Variants in COQ8A observed in about 807,000 individuals in gnomAD.
COQ8A encodes the protein coenzyme Q8A.
Under a neutral mutation model 65.0 loss-of-function variants are expected in COQ8A, and 51 were observed. The observed-to-expected ratio is 0.78, with a 90% CI of 0.63 to 0.99. The LOEUF (loss-of-function observed/expected upper bound fraction) is 0.99. Ranked by LOEUF, COQ8A falls within the 50% of genes least tolerant of loss-of-function variation. The pLI, the probability that COQ8A is intolerant of heterozygous loss-of-function variation, is 0.00. For missense variants in COQ8A, 940 were observed against 875.0 expected (o/e 1.07, Z -0.94); for synonymous variants, 371 against 353.2 (o/e 1.05, Z -0.57).
At chr1:226,957,956 A>G (rs1232694325) in intron 1 of COQ8A, 1 of 152,158 alleles carries the variant, frequency 6.6e-6, no homozygotes, top group Non-Finnish European at 1.5e-5. Flanking sequence ...TGGTGGGAAC[A>G]CAGCCTTGTG....
intron 4 of COQ8A, chr1:226,974,909 A>AGGGTG (rs1219866169): frequency 6.5e-6 from 1 of 152,790 alleles, no homozygotes; most frequent in African/African-American, 2.4e-5. Context: ...GTCCTGATGG[A>AGGGTG]GGGTGATGAG....
At chr1:226,975,396 C>T (rs932826774) in intron 4 of COQ8A, among the ~76,000 whole-genome samples, 1 of 152,278 alleles carries the variant, frequency 6.6e-6, no homozygotes, top group South Asian at 2.1e-4. Context: ...CTTGGAAATG[C>T]GGCTGGTCCA....
chr1:226,944,926 A>G (rs1255250268), intron 1 of COQ8A, among the ~76,000 whole-genome samples: 1 of 152,064 alleles, frequency 6.6e-6, no homozygotes, highest in Non-Finnish European at 1.5e-5. Context: ...GTTTCCTGAG[A>G]GACAGAGAGG....
intron 1 of COQ8A, among the ~76,000 whole-genome samples, chr1:226,953,805 G>T (rs1657528685): frequency 6.6e-6 from 1 of 152,340 alleles, no homozygotes; most frequent in African/African-American, 2.4e-5. Context: ...AGATGTTTGA[G>T]TGATGCTCCC....
At chr1:226,984,314 G>A in intron 11 of COQ8A, 79 bp downstream of exon 11, 14 of 1,593,426 alleles carry the variant, frequency 8.8e-6, no homozygotes, top group East Asian at 2.2e-5. Flanking sequence ...GTGTGAGCTG[G>A]GGACTTGGAG....
chr1:226,974,587 G>A (rs1659082952), intron 4 of COQ8A, among the ~76,000 whole-genome samples: 1 of 152,238 alleles, frequency 6.6e-6, no homozygotes, highest in Non-Finnish European at 1.5e-5. Context: ...GGCAGAGGCT[G>A]GCCTGGGTTC....
Position 226,965,210 on chromosome 1 carries a change from T to G in COQ8A, c.388T>G (p.Phe130Val). The change falls in exon 3 of 15, where the codon TTC (phenylalanine) becomes GTC (valine). Residue 130 changes from phenylalanine (F) to valine (V), a missense_variant. Phe to Val is a conservative substitution (Grantham distance 50). Transcript: ENST00000366777. ...CAGTGGACCCTTTAGAGAAGCCGGGTTCCCCGGCCAGGCCTCCTCCCCTCT... is the reference window on the plus strand; with the variant it reads ...CAGTGGACCCTTTAGAGAAGCCGGGGTCCCCGGCCAGGCCTCCTCCCCTCT... ...VASGPFREAG[F>V]PGQASSPLGR... 6.2e-7 allele frequency: 1 copy of G among 1,613,338 alleles called. No individual in the cohort carries two copies. The highest frequency in any genetic ancestry group is 8.5e-7 in the Non-Finnish European group (1 of 1,179,900).
chr1:226,974,119 GC>G (rs1194703121), intron 4 of COQ8A, among the ~76,000 whole-genome samples: 3 of 152,178 alleles, frequency 2.0e-5, no homozygotes, highest in Non-Finnish European at 4.4e-5. Flanking sequence ...CCACAGGAGG[GC>G]CCTGTTTGGC....
In COQ8A at chr1:226,987,492, A is replaced by G. The variant is rs1023411366; in HGVS notation, c.*755A>G. ...TGTGAATTTTTGTACAAGTCTTGTA[A>G]TTATCGAATCAACAACTTGTTTCAA... On this transcript the variant is annotated 3_prime_UTR_variant, in exon 15 of 15. Transcript: ENST00000366777. 5 of 152,284 alleles carry G rather than the reference A, an allele frequency of 3.3e-5. No homozygotes were observed. Among genetic ancestry groups the G allele is most frequent in the African/African-American group, 1.2e-4 (5 of 41,458 alleles). The allele number at this position is 152,284 out of a possible 1,614,324, so 9.4% of individuals were successfully genotyped here. A position where few individuals can be genotyped will look rare whatever the true frequency, so the allele number is the denominator to read the frequency against.
Position 226,984,153 on chromosome 1 carries a change from G to A in COQ8A, c.1316G>A (p.Ser439Asn), listed in dbSNP as rs759748589. The change falls in exon 11 of 15, where the codon AGC (serine) becomes AAC (asparagine). Residue 439 changes from serine to asparagine, a missense_variant. Coordinates refer to ENST00000366777, the MANE Select transcript of COQ8A (RefSeq NM_020247.5). ...CCTGAGATTGTGGATGAGCTCTGCA[G>A]CCCACATGTGCTGACCACAGAGCTG... is the stretch of plus-strand genomic sequence containing the variant. ...YVPEIVDELCSPHVLTTELVS... is the reference protein window; with the variant it reads ...YVPEIVDELCNPHVLTTELVS... 6.2e-6 allele frequency: 10 copies of A among 1,613,780 alleles called. No individual in the cohort carries two copies. The African/African-American group carries it at 6.7e-5, about 11-fold the overall frequency.
At chr1:226,958,325 C>A (rs1026782029) in intron 1 of COQ8A, 5 of 152,250 alleles carry the variant, frequency 3.3e-5, no homozygotes, top group African/African-American at 1.2e-4. Flanking sequence ...CACCCAGAGC[C>A]CTTCCGTACT....
rs924853485 is a variant in COQ8A, at chr1:226,941,453, A to G, written c.-10+1054A>G. Among the ~76,000 whole-genome samples the G allele has an allele frequency of 1.6e-4, 24 of 152,066 alleles. 1 individual carries two copies. Among genetic ancestry groups the G allele is most frequent in the Admixed American group, 3.9e-4 (6 of 15,268 alleles). On this transcript the variant is annotated intron_variant, in intron 1 of 14. Coordinates refer to ENST00000366777, the MANE Select transcript of COQ8A (RefSeq NM_020247.5). ...TTCTCCCGAGGAGAGACAAAAGGGG[A>G]GCTACAGGAGCAGCATCTGTAAGAC...
chr1:226,978,137 C>A (rs1222862983), intron 5 of COQ8A, among the ~76,000 whole-genome samples: 15 of 151,076 alleles, frequency 9.9e-5, no homozygotes, highest in Non-Finnish European at 1.5e-5. Flanking sequence ...CACCAAACAC[C>A]CACACATCTT....
Position 226,982,654 on chromosome 1 carries a change from CTGTGTCAT to C in COQ8A, c.854-22_854-15del. On this transcript the variant is annotated splice_polypyrimidine_tract_variant and intron_variant, in intron 6 of 14. Transcript: ENST00000366777. The stretch of plus-strand genomic sequence containing the variant: ...GCACACTTTAATCCCCAGGTTCGCC[CTGTGTCAT>C]TCTCCTGCCTTCCAGATGATGCCTT... 6.2e-7 allele frequency: 1 copy of C among 1,611,782 alleles called. No individual in the cohort carries two copies. The highest frequency in any genetic ancestry group is 1.1e-5 in the South Asian group (1 of 90,998).
rs1658767109 is a variant in COQ8A, at chr1:226,969,569, T to C, written c.655+3832T>C. Among the ~76,000 whole-genome samples the C allele has an allele frequency of 2.6e-5, 4 of 152,338 alleles. No homozygotes were observed. The Middle Eastern group carries it at 0.01, about 389-fold the overall frequency. On this transcript the variant is annotated intron_variant, in intron 4 of 14. Coordinates refer to ENST00000366777, the MANE Select transcript of COQ8A (RefSeq NM_020247.5). ...AATTCTTCTTATATCCTCCTAGGGA[T>C]TGACCCTTCATTCTTATGTTATGCC... is the stretch of plus-strand genomic sequence containing the variant.
At chr1:226,960,537 T>TTGGTGGTGGTGATG (rs1658175993) in intron 1 of COQ8A, among the ~76,000 whole-genome samples, 1 of 3,974 alleles carries the variant, frequency 2.5e-4, no homozygotes, top group South Asian at 8.9e-3. Flanking sequence ...TGGTGGTGGT[T>TTGGTGGTGGTGATG]GTACTTGGTG....
At position 226,949,263 on chromosome 1, in the gene COQ8A, TTA is replaced by T. The variant is rs145077521; in HGVS notation, c.-10+8872_-10+8873del. Among the ~76,000 whole-genome samples, 38 of 152,054 alleles carry T rather than the reference TTA, an allele frequency of 2.5e-4. No homozygotes were observed. The East Asian group carries it at 6.6e-3, about 26-fold the overall frequency. ...GACTTCAGGCGCAGGAGTTTGGGTT[TTA>T]TATATATGTCTACATACATGTCTAC... On this transcript the variant is annotated intron_variant, in intron 1 of 14. Transcript: ENST00000366777. The surrounding 1 kb of genome is among the most constrained non-coding windows in gnomAD (Gnocchi z 4.0).
chr1:226,955,417 GC>G (rs1657633266), intron 1 of COQ8A, among the ~76,000 whole-genome samples: 1 of 134,106 alleles, frequency 7.5e-6, no homozygotes, highest in Non-Finnish European at 1.6e-5. Context: ...ACTCTCCCTG[GC>G]TGCCACTCTC....
intron 1 of COQ8A, among the ~76,000 whole-genome samples, chr1:226,960,048 GGTGGT>G: frequency 6.6e-6 from 1 of 151,902 alleles, no homozygotes; most frequent in Non-Finnish European, 1.5e-5. Context: ...GGTACTTGGT[GGTGGT>G]GGTACTTGGT....
Sources: allele counts gnomAD v4.1 joint callset (sites outside exome capture counted in the v4.1 genomes callset), GRCh38; gene constraint gnomAD v4.1.1; non-coding constraint Gnocchi (gnomAD v3.1); transcripts MANE v1.5; gene names NCBI Gene and HGNC (gene_info 2026-07-23, HGNC 2026-07-21).